The following FBLIM1 variants were observed in gnomAD, a reference collection of about 807,000 sequenced individuals.
FBLIM1 encodes the protein filamin-binding LIM protein 1.
FBLIM1 carries 29 observed loss-of-function variants against 37.4 expected under a neutral mutation model. The observed-to-expected ratio is 0.77, with a 90% confidence interval of 0.58 to 1.06. FBLIM1 has a LOEUF of 1.06. Ranked by LOEUF, FBLIM1 falls within the 50% of genes least tolerant of loss-of-function variation. The pLI, the probability that FBLIM1 is intolerant of heterozygous loss-of-function variation, is 0.00. For synonymous variants in FBLIM1, 193 were observed against 199.0 expected, an observed-to-expected ratio of 0.97 and a Z score of 0.25; for missense variants, 449 against 505.6, an observed-to-expected ratio of 0.89 and a Z score of 1.07.
At chr1:15,764,931 G>T in intron 2 of FBLIM1, 33 bp from the exon 3 acceptor site, 1 of 1,551,352 alleles carries the variant, frequency 6.4e-7, no homozygotes, top group Non-Finnish European at 8.7e-7. Flanking sequence ...TGTCTGGGTG[G>T]CAATCCTGTG....
chr1:15,770,667 G>A, intron 6 of FBLIM1, 89 bp downstream of exon 6: 1 of 1,454,468 alleles, frequency 6.9e-7, no homozygotes, highest in Non-Finnish European at 9.3e-7. Flanking sequence ...ACAGTCCTGG[G>A]AAGTAGGCAC....
rs1278116724 is a variant in FBLIM1, at chr1:15,785,846, C to T, written c.*1185C>T. 2.6e-5 allele frequency: 4 copies of T among 152,260 alleles called. No individual in the cohort carries two copies. The highest frequency in any genetic ancestry group is 6.5e-5 in the Admixed American group (1 of 15,268). The allele number at this position is 152,260 out of a possible 1,614,324, so 9.4% of individuals were successfully genotyped here. A position where few individuals can be genotyped will look rare whatever the true frequency, so the allele number is the denominator to read the frequency against. ...CCAGACCCAAGAGGAGAGGGTGGTC[C>T]GCAGACACCCCGGGATGTCAGCATC... On this transcript the variant is annotated 3_prime_UTR_variant, in exon 9 of 9. Transcript: ENST00000375766.
chr1:15,768,612 G>A lies in FBLIM1; in HGVS notation c.523G>A (p.Glu175Lys), dbSNP rs376113582. ...GCCACCTCCCCCGGCAGAACCTGTT[G>A]AGAAAGGGGCATCCACAGGTAGGTG... ...ELPPPPAEPV[E>K]KGASTDICAF... The change falls in exon 5 of 9, where the codon GAG becomes AAG. Residue 175 changes from glutamate to lysine, a missense_variant. Glu to Lys is a moderately conservative substitution (Grantham distance 56). Coordinates refer to ENST00000375766, the MANE Select transcript of FBLIM1 (RefSeq NM_017556.4). The A allele has an allele frequency of 2.5e-6, 4 of 1,611,892 alleles. No individual in the cohort carries two copies. In the South Asian group the frequency reaches 3.3e-5, roughly 13 times the overall value.
intron 6 of FBLIM1, among the ~76,000 whole-genome samples, chr1:15,773,767 G>C (rs1003212803): frequency 6.6e-6 from 1 of 150,812 alleles, no homozygotes; most frequent in East Asian, 1.9e-4. Context: ...ATAATACTAC[G>C]ATATGTAAAA....
Position 15,765,594 on chromosome 1 carries a change from A to G in FBLIM1, c.250+361A>G, listed in dbSNP as rs1217752993. Reference sequence around the variant, plus strand: ...GCAGAGCACGGGGATCTTGGGGTTCAGTCTCCCTGAAGTGAGATAAGTTTT... The same window carrying G: ...GCAGAGCACGGGGATCTTGGGGTTCGGTCTCCCTGAAGTGAGATAAGTTTT... On this transcript the variant is annotated intron_variant, in intron 3 of 8. Transcript: ENST00000375766. This position sits in a 1 kb window ranked among gnomAD's most constrained non-coding sequence, Gnocchi z 5.9. 6.6e-6 allele frequency among the ~76,000 whole-genome samples: 1 copy of G among 151,906 alleles called. No individual in the cohort carries two copies. The highest frequency in any genetic ancestry group is 1.9e-4 in the East Asian group (1 of 5,156).
At chr1:15,773,681 G>GAAA (rs35429082) in intron 6 of FBLIM1, among the ~76,000 whole-genome samples, 2 of 106,968 alleles carry the variant, frequency 1.9e-5, no homozygotes, top group African/African-American at 3.7e-5. Flanking sequence ...CTCCGTCTCA[G>GAAA]AAAAAAAAAA....
chr1:15,777,192 A>G lies in FBLIM1; in HGVS notation c.913A>G (p.Ile305Val). The part of the protein sequence containing the change: ...FYRKFAPVCS[I>V]CENPIIPRDG... ...TAGGAAATTCGCCCCCGTCTGCAGC[A>G]TCTGTGAAAATCCCATCATCCCTCG... Residue 305 changes from isoleucine to valine, a missense_variant, in exon 8 of 9, where the codon ATC (isoleucine) becomes GTC (valine). Transcript: ENST00000375766. 2 of 1,609,942 alleles carry G rather than the reference A, an allele frequency of 1.2e-6. No individual in the cohort carries two copies. The highest frequency in any genetic ancestry group is 8.5e-7 in the Non-Finnish European group (1 of 1,176,634).
chr1:15,770,820 G>A (rs1236428944), intron 6 of FBLIM1, among the ~76,000 whole-genome samples: 3 of 152,310 alleles, frequency 2.0e-5, no homozygotes, highest in South Asian at 4.1e-4. Context: ...GTCCCAGTTC[G>A]GGAGATCAAA....
chr1:15,772,492 G>A (rs974335398), intron 6 of FBLIM1, among the ~76,000 whole-genome samples: 7 of 152,152 alleles, frequency 4.6e-5, no homozygotes, highest in African/African-American at 7.2e-5. Flanking sequence ...GCCCCCACAC[G>A]TGTCCAGGTG....
rs749728354 is a variant in FBLIM1 at position 15,770,391 on chromosome 1, G to C, written c.542-18G>C. 1.9e-6 allele frequency: 3 copies of C among 1,608,728 alleles called. No homozygotes were observed. The highest frequency in any genetic ancestry group is 2.2e-5 in the East Asian group (1 of 44,794). On this transcript the variant is annotated intron_variant, in intron 5 of 8. Transcript: ENST00000375766. ...TCACAGGCTGGGCTGGTGATGGCCTGTGTCTCCCCTACCCCAGACATCTGT... is the reference window on the plus strand; with the variant it reads ...TCACAGGCTGGGCTGGTGATGGCCTCTGTCTCCCCTACCCCAGACATCTGT...
At chr1:15,770,099 A>T (rs566275100) in intron 5 of FBLIM1, among the ~76,000 whole-genome samples, 35 of 151,712 alleles carry the variant, frequency 2.3e-4, no homozygotes, top group African/African-American at 7.7e-4. Flanking sequence ...GGGGCATGCC[A>T]CTATGCCCGG....
At chr1:15,764,932 C>T in intron 2 of FBLIM1, 32 bp from the exon 3 acceptor site, 1 of 1,551,432 alleles carries the variant, frequency 6.4e-7, no homozygotes. Flanking sequence ...GTCTGGGTGG[C>T]AATCCTGTGC....
rs755768900 is a variant in FBLIM1, at chr1:15,765,036, C to T, written c.53C>T (p.Ala18Val). 7 of 1,613,910 alleles carry T rather than the reference C, an allele frequency of 4.3e-6. No individual in the cohort carries two copies. The highest frequency in any genetic ancestry group is 5.9e-6 in the Non-Finnish European group (7 of 1,180,000). Residue 18 changes from alanine to valine, a missense_variant, in exon 3 of 9, where the codon GCA (alanine) becomes GTA (valine). Transcript: ENST00000375766. The surrounding 1 kb of genome is among the most constrained non-coding windows in gnomAD (Gnocchi z 5.9). ...GCATCGTCTGTCTTTATCACCCTGG[C>T]ACCCCCGCGCCGCGATGTGGCCGTG... ...RVASSVFITL[A>V]PPRRDVAVAE...
intron 6 of FBLIM1, among the ~76,000 whole-genome samples, chr1:15,772,812 T>G (rs2148592986): frequency 6.6e-6 from 1 of 152,170 alleles, no homozygotes; most frequent in South Asian, 2.1e-4. Flanking sequence ...TATTTTTTTA[T>G]TAAAATATGT....
chr1:15,769,703 CT>C (rs1436906676), intron 5 of FBLIM1, among the ~76,000 whole-genome samples: 1 of 151,868 alleles, frequency 6.6e-6, no homozygotes, highest in Non-Finnish European at 1.5e-5. Context: ...GTGGCGCGAT[CT>C]TGGCTCATTG....
chr1:15,756,844 C>G (rs1485589755), upstream of FBLIM1: 1 of 152,308 alleles, frequency 6.6e-6, no homozygotes, highest in Non-Finnish European at 1.5e-5. Context: ...CCCAAATCAA[C>G]TCTTCGTTGC....
chr1:15,758,049 C>G (rs2068488610), upstream of FBLIM1: 3 of 152,284 alleles, frequency 2.0e-5, no homozygotes, highest in African/African-American at 7.2e-5. The surrounding 1 kb of genome is among the most constrained non-coding windows in gnomAD (Gnocchi z 6.2). Flanking sequence ...ACAAGGTGAC[C>G]TGCTCCACTG....
chr1:15,776,125 AAC>A (rs1279352792), intron 7 of FBLIM1, among the ~76,000 whole-genome samples: 1 of 152,038 alleles, frequency 6.6e-6, no homozygotes, highest in Admixed American at 6.6e-5. Context: ...ATATATAAAA[AAC>A]ACATATGGGG....
intron 6 of FBLIM1, among the ~76,000 whole-genome samples, chr1:15,774,080 C>T (rs2069365555): frequency 6.6e-6 from 1 of 152,082 alleles, no homozygotes; most frequent in Non-Finnish European, 1.5e-5. Context: ...ATGCAGTGAG[C>T]TGAGATTGGG....
Sources: gnomAD v4.1 joint callset for allele counts (sites outside exome capture counted in the v4.1 genomes callset) on GRCh38, gnomAD v4.1.1 for gene constraint, Gnocchi (gnomAD v3.1) non-coding constraint, MANE v1.5 for transcripts, NCBI Gene and HGNC (gene_info 2026-07-23, HGNC 2026-07-21) for gene names.